The following SFTPA2 variants were observed in gnomAD, a reference collection of about 807,000 sequenced individuals.
SFTPA2 encodes the protein pulmonary surfactant-associated protein A2.
A neutral mutation model predicts 20.3 loss-of-function variants in SFTPA2; 21 were observed. That is an observed-to-expected ratio of 1.03 (90% confidence interval 0.73 to 1.49). The LOEUF (loss-of-function observed/expected upper bound fraction) is 1.49, where lower values mean the gene tolerates loss of function less well. Ranked by LOEUF, SFTPA2 falls within the 40% of genes most tolerant of loss-of-function variation. The pLI, the probability that SFTPA2 is intolerant of heterozygous loss-of-function variation, is 0.00. For synonymous variants in SFTPA2, 116 were observed against 118.7 expected (o/e 0.98, Z 0.15); for missense variants, 302 against 314.8 (o/e 0.96, Z 0.31).
rs867254415 is a variant in SFTPA2 at position 79,557,131 on chromosome 10, C to G, written c.*78G>C. 17 of 1,612,142 alleles carry G rather than the reference C, an allele frequency of 1.1e-5. No individual in the cohort carries two copies. The Middle Eastern group carries it at 6.6e-4, about 63-fold the overall frequency. On this transcript the variant is annotated 3_prime_UTR_variant, in exon 6 of 6. Coordinates refer to ENST00000372325, the MANE Select transcript of SFTPA2 (RefSeq NM_001098668.4). ...TTCTGTTGAAAGGGAGTTCTAGCAT[C>G]TCACAGACCAAGTGGATCCTGGGGA...
Position 79,558,037 on chromosome 10 carries a change from AG to A in SFTPA2, c.370+14del, listed in dbSNP as rs936412550. ...GGGAAACTCCTACCCCGTGAGGCCC[AG>A]GGGGTCCCCTTACCTCCCCTTGTCT... On this transcript the variant is annotated intron_variant, in intron 5 of 5. Transcript: ENST00000372325. 6.2e-7 allele frequency: 1 copy of A among 1,613,894 alleles called. No homozygotes were observed. The highest frequency in any genetic ancestry group is 8.5e-7 in the Non-Finnish European group (1 of 1,179,978).
intron 1 of SFTPA2, 174 bp from the exon 2 acceptor site, chr10:79,560,172 G>T (rs1564671817): frequency 4.0e-6 from 1 of 249,500 alleles, no homozygotes; most frequent in Non-Finnish European, 6.5e-6. Context: ...ATCTGGCCAA[G>T]GAAGATATCA....
Position 79,558,889 on chromosome 10 carries a change from G to A in SFTPA2, c.289C>T (p.Pro97Ser), listed in dbSNP as rs1564669662. Residue 97 changes from proline to serine, a missense_variant, in exon 4 of 6, where the codon CCA becomes TCA. Pro to Ser is a moderately conservative substitution (Grantham distance 74, BLOSUM62 -1). Around this residue, in one of 3 missense-constraint regions of SFTPA2, gnomAD observed 264 missense variants for 261.7 expected, o/e 1.01. Coordinates refer to ENST00000372325, the MANE Select transcript of SFTPA2 (RefSeq NM_001098668.4). ...CCACCTGCCCCGCCCTGCTCACCTG[G>A]AGGGCCTCTCTCGCCAGCCTCCCCC... ...EKGEAGERGP[P>S]GLPAHLDEEL... 1 of 1,613,956 alleles carries A rather than the reference G, an allele frequency of 6.2e-7. No homozygotes were observed. The highest frequency in any genetic ancestry group is 8.5e-7 in the Non-Finnish European group (1 of 1,180,024).
intron 4 of SFTPA2, 44 bp downstream of exon 4, chr10:79,558,842 G>A (rs200389217): frequency 1.2e-5 from 20 of 1,613,302 alleles, no homozygotes; most frequent in African/African-American, 2.7e-5. Flanking sequence ...ACTTCAGGTC[G>A]CTGTGCCCAT....
intron 5 of SFTPA2, 151 bp downstream of exon 5, chr10:79,557,901 A>T (rs188227916): frequency 1.3e-4 from 178 of 1,353,416 alleles, no homozygotes; most frequent in Middle Eastern, 2.3e-4. Flanking sequence ...CCTCTTGGCC[A>T]TTCAAAGACA....
chr10:79,557,881 C>T (rs1053420355), intron 5 of SFTPA2, among the ~76,000 whole-genome samples, 171 bp downstream of exon 5: 10 of 152,216 alleles, frequency 6.6e-5, no homozygotes, highest in African/African-American at 2.4e-4. Context: ...TGAATTGTGT[C>T]TGCTTGTCTC....
Position 79,558,924 on chromosome 10 carries a change from C to T in SFTPA2, c.254G>A (p.Arg85His), listed in dbSNP as rs147533125. The T allele has an allele frequency of 2.1e-3, 3,449 of 1,614,150 alleles. 21 individuals carry two copies. Among genetic ancestry groups the T allele is most frequent in the African/African-American group, 0.018 (1,385 of 75,014 alleles). The change falls in exon 4 of 6, where the codon CGT becomes CAT. Residue 85 changes from arginine to histidine, a missense_variant. Arg to His is a conservative substitution (Grantham distance 29, BLOSUM62 0). This residue lies in a region of SFTPA2 where 264 missense variants were observed against 261.7 expected (regional missense o/e 1.01). Coordinates refer to ENST00000372325, the MANE Select transcript of SFTPA2 (RefSeq NM_001098668.4). ...LPGAPGVPGERGEKGEAGERG... is the reference protein window; with the variant it reads ...LPGAPGVPGEHGEKGEAGERG... ...CTCGCCAGCCTCCCCCTTCTCTCCACGCTCTCCAGGGACACCAGGGGCTCC... is the reference window on the plus strand; with the variant it reads ...CTCGCCAGCCTCCCCCTTCTCTCCATGCTCTCCAGGGACACCAGGGGCTCC...
At position 79,559,638 on chromosome 10, in the gene SFTPA2, C is replaced by T. The variant is rs569831984; in HGVS notation, c.-23-132G>A. 2.0e-4 allele frequency: 321 copies of T among 1,567,786 alleles called. 3 individuals are homozygous for T. The South Asian group carries it at 2.7e-3, about 13-fold the overall frequency. On this transcript the variant is annotated intron_variant, in intron 2 of 5. Coordinates refer to ENST00000372325, the MANE Select transcript of SFTPA2 (RefSeq NM_001098668.4). ...GCGAGACCAGAGTGCTGGGAAGACC[C>T]GAAGCACCCGGGAAAATTCCAAGCA...
rs1051032545 is a variant in SFTPA2, at chr10:79,558,780, C to G, written c.292+106G>C. Reference sequence around the variant, plus strand: ...TCTCTTACTTAGGTTGAGCCAAATGCCCTTGGGGAACCTGCAGGGTTTGTC... The same window carrying G: ...TCTCTTACTTAGGTTGAGCCAAATGGCCTTGGGGAACCTGCAGGGTTTGTC... On this transcript the variant is annotated intron_variant, in intron 4 of 5. Coordinates refer to ENST00000372325, the MANE Select transcript of SFTPA2 (RefSeq NM_001098668.4). 45 of 1,588,838 alleles carry G rather than the reference C, an allele frequency of 2.8e-5. 1 individual carries two copies. In the Admixed American group the frequency reaches 7.3e-4, roughly 26 times the overall value.
At chr10:79,557,742 C>G (rs1348447283) in intron 5 of SFTPA2, among the ~76,000 whole-genome samples, 157 bp from the exon 6 acceptor site, 2 of 152,160 alleles carry the variant, frequency 1.3e-5, no homozygotes, top group Non-Finnish European at 2.9e-5. Context: ...TCTAAATTCA[C>G]TTTTAGACTC....
At chr10:79,559,538 C>T (rs1264598734) in intron 2 of SFTPA2, 32 bp from the exon 3 acceptor site, 1 of 1,608,958 alleles carries the variant, frequency 6.2e-7, no homozygotes, top group Non-Finnish European at 8.5e-7. Context: ...GCCCATCTGC[C>T]ACCTCTGCCA....
chr10:79,559,785 T>C (rs1307715898), intron 2 of SFTPA2, 184 bp downstream of exon 2: 10 of 1,450,906 alleles, frequency 6.9e-6, no homozygotes, highest in African/African-American at 1.4e-5. Context: ...TGGGCTCCAG[T>C]GCAGTCTCCT....
In SFTPA2 at chr10:79,559,313, T is replaced by G; in HGVS notation, c.171A>C (p.Pro57=). The G allele has an allele frequency of 6.2e-7, 1 of 1,613,734 alleles. No homozygotes were observed. Among genetic ancestry groups the G allele is most frequent in the Non-Finnish European group, 8.5e-7 (1 of 1,179,800 alleles). The part of the protein sequence containing the change: ...RDGVKGDPGP[P]GPMGPPGETP... ...AGGGTGGGGTCTGCAGCACAGTACC[T>G]GGAGGGCCAGGGTCTCCTTTGACAC... Residue 57 remains proline (P), a splice_region_variant and synonymous_variant, in exon 3 of 6, where the codon CCA becomes CCC. Coordinates refer to ENST00000372325, the MANE Select transcript of SFTPA2 (RefSeq NM_001098668.4).
In SFTPA2 at chr10:79,557,160, A is replaced by T; in HGVS notation, c.*49T>A. 3 of 1,614,040 alleles carry T rather than the reference A, an allele frequency of 1.9e-6. No homozygotes were observed. Among genetic ancestry groups the T allele is most frequent in the Non-Finnish European group, 1.7e-6 (2 of 1,179,942 alleles). On this transcript the variant is annotated 3_prime_UTR_variant, in exon 6 of 6. Coordinates refer to ENST00000372325, the MANE Select transcript of SFTPA2 (RefSeq NM_001098668.4). Reference sequence around the variant, plus strand: ...CAGACCAAGTGGATCCTGGGGATGGAAACTGAAGGCCAGACAGGATCCTCC... The same window carrying T: ...CAGACCAAGTGGATCCTGGGGATGGTAACTGAAGGCCAGACAGGATCCTCC...
Position 79,557,404 on chromosome 10 carries a change from A to G in SFTPA2, c.552T>C (p.Tyr184=), listed in dbSNP as rs201267508. The stretch of plus-strand genomic sequence containing the variant: ...GACCCTCAGTCAGGCCTACATAGGC[A>G]TATGTGTTGTACTTCTTCACGAAGC... ...IASFVKKYNT[Y]AYVGLTEGPS... Residue 184 remains tyrosine, a synonymous_variant, in exon 6 of 6, where the codon TAT becomes TAC. Coordinates refer to ENST00000372325, the MANE Select transcript of SFTPA2 (RefSeq NM_001098668.4). 3.1e-6 allele frequency: 5 copies of G among 1,613,932 alleles called. No homozygotes were observed. Among genetic ancestry groups the G allele is most frequent in the East Asian group, 2.2e-5 (1 of 44,882 alleles).
chr10:79,557,565 T>C lies in SFTPA2; in HGVS notation c.391A>G (p.Ile131Val). 1.9e-6 allele frequency: 3 copies of C among 1,611,096 alleles called. No individual in the cohort carries two copies. The highest frequency in any genetic ancestry group is 2.5e-6 in the Non-Finnish European group (3 of 1,178,280). The change falls in exon 6 of 6, where the codon ATA becomes GTA. Residue 131 changes from isoleucine to valine, a missense_variant. Coordinates refer to ENST00000372325, the MANE Select transcript of SFTPA2 (RefSeq NM_001098668.4). ...AAGACCTTCTCTCCTACTGTCATTATGGAGCCCTGCAGACTGAGGGCTGAG... is the reference window on the plus strand; with the variant it reads ...AAGACCTTCTCTCCTACTGTCATTACGGAGCCCTGCAGACTGAGGGCTGAG... Reference protein sequence around the residue: ...TRGALSLQGSIMTVGEKVFSS... With the variant: ...TRGALSLQGSVMTVGEKVFSS...
At chr10:79,558,737 T>TCTCC (rs1378436361) in intron 4 of SFTPA2, 149 bp downstream of exon 4, 4 of 1,417,038 alleles carry the variant, frequency 2.8e-6, no homozygotes, top group Non-Finnish European at 3.0e-6. Context: ...ACCTCGGCTT[T>TCTCC]CTCCCTCAAA....
chr10:79,558,010 G>T, intron 5 of SFTPA2, 42 bp downstream of exon 5: 5 of 1,612,866 alleles, frequency 3.1e-6, no homozygotes, highest in Non-Finnish European at 4.2e-6. Context: ...AGGGGAATTT[G>T]TGGGAAACTC....
At position 79,557,110 on chromosome 10, in the gene SFTPA2, G is replaced by A. The variant is rs979561967; in HGVS notation, c.*99C>T. On this transcript the variant is annotated 3_prime_UTR_variant, in exon 6 of 6. Transcript: ENST00000372325. Reference sequence around the variant, plus strand: ...GCTCTAATAGCCACAAGTGAATTCTGTTGAAAGGGAGTTCTAGCATCTCAC... The same window carrying A: ...GCTCTAATAGCCACAAGTGAATTCTATTGAAAGGGAGTTCTAGCATCTCAC... The A allele has an allele frequency of 2.6e-5, 42 of 1,601,964 alleles. No homozygotes were observed. In the Admixed American group the frequency reaches 6.9e-4, roughly 26 times the overall value.
Sources: allele counts gnomAD v4.1 joint callset (sites outside exome capture counted in the v4.1 genomes callset), GRCh38; gene constraint gnomAD v4.1.1; regional missense constraint gnomAD v4.1.1; transcripts MANE v1.5; gene names NCBI Gene and HGNC (gene_info 2026-07-23, HGNC 2026-07-21).